The following SGCZ variants were observed in gnomAD, a reference collection of about 807,000 sequenced individuals.
SGCZ encodes the protein sarcoglycan zeta, also known as zeta-sarcoglycan.
Under a neutral mutation model 41.3 loss-of-function variants are expected in SGCZ, and 40 were observed. The ratio of observed to expected loss-of-function variants is 0.97; its 90% CI spans 0.75 to 1.26. SGCZ has a LOEUF of 1.26. Ranked by LOEUF, SGCZ falls within the 50% of genes most tolerant of loss-of-function variation. The probability of loss-of-function intolerance (pLI) is 0.00; values close to 1 mark genes in which losing one functional copy is unlikely to be tolerated. For synonymous variants in SGCZ, 206 were observed against 137.5 expected (o/e 1.50, Z -3.49); for missense variants, 552 against 369.8 (o/e 1.49, Z -4.04).
rs190417857 is a variant in SGCZ, at chr8:15,179,030, G to C, written c.39+58555C>G. 5.9e-5 allele frequency among the ~76,000 whole-genome samples: 9 copies of C among 152,158 alleles called. No individual in the cohort carries two copies. The East Asian group carries it at 1.7e-3, about 29-fold the overall frequency. ...CTCAAGCTGTTACTCTCATGTAGTAGACTAAAAAACTACGTATTATATCCA... is the reference window on the plus strand; with the variant it reads ...CTCAAGCTGTTACTCTCATGTAGTACACTAAAAAACTACGTATTATATCCA... On this transcript the variant is annotated intron_variant, in intron 1 of 7. Transcript: ENST00000382080.
Position 14,629,958 on chromosome 8 carries a change from G to C in SGCZ, c.40-75032C>G, listed in dbSNP as rs897117185. 9.2e-5 allele frequency among the ~76,000 whole-genome samples: 14 copies of C among 152,004 alleles called. 1 individual carries two copies. Reference sequence around the variant, plus strand: ...TTGTGATGACTTGCATTTTGAAACTGTTTCTAAGTCTTGATGCTAGGTAAA... The same window carrying C: ...TTGTGATGACTTGCATTTTGAAACTCTTTCTAAGTCTTGATGCTAGGTAAA... On this transcript the variant is annotated intron_variant, in intron 1 of 7. Transcript: ENST00000382080.
intron 2 of SGCZ, among the ~76,000 whole-genome samples, chr8:14,437,411 A>G (rs372361198): frequency 6.6e-6 from 1 of 152,254 alleles, no homozygotes; most frequent in East Asian, 1.9e-4. Flanking sequence ...ACTTCAAACA[A>G]AACATCATAT....
At chr8:14,543,892 A>G (rs753326895) in intron 2 of SGCZ, among the ~76,000 whole-genome samples, 1 of 152,142 alleles carries the variant, frequency 6.6e-6, no homozygotes, top group Non-Finnish European at 1.5e-5. Flanking sequence ...TGATTACAGA[A>G]TTTGAAAGAC....
intron 1 of SGCZ, among the ~76,000 whole-genome samples, chr8:14,841,428 T>A (rs1381240235): frequency 6.6e-6 from 1 of 152,152 alleles, no homozygotes. Context: ...GTCATGGTAT[T>A]TAAAGAACTA....
chr8:15,208,894 C>CGTAT (rs1554477911), intron 1 of SGCZ, among the ~76,000 whole-genome samples: 1 of 146,144 alleles, frequency 6.8e-6, no homozygotes, highest in Non-Finnish European at 1.5e-5. Context: ...TATCCCTATA[C>CGTAT]ATATATATAG....
intron 1 of SGCZ, among the ~76,000 whole-genome samples, chr8:14,648,611 C>A (rs774852791): frequency 6.6e-6 from 1 of 151,898 alleles, no homozygotes. Flanking sequence ...TTTTGTTTTT[C>A]ATTTTCCATT....
intron 3 of SGCZ, 144 bp downstream of exon 3, chr8:14,323,959 T>C (rs1802010409): frequency 7.1e-6 from 4 of 565,146 alleles, no homozygotes; most frequent in South Asian, 5.0e-5. Context: ...AATGATGTTA[T>C]CATTTTGATT....
intron 2 of SGCZ, among the ~76,000 whole-genome samples, chr8:14,393,018 C>T (rs1804831232): frequency 1.3e-5 from 2 of 151,306 alleles, no homozygotes; most frequent in African/African-American, 4.9e-5. Flanking sequence ...CTGGTAATAC[C>T]CTCAGTAATT....
In SGCZ at chr8:14,782,782, G is replaced by A. The variant is rs146243835; in HGVS notation, c.40-227856C>T. On this transcript the variant is annotated intron_variant, in intron 1 of 7. Transcript: ENST00000382080. ...GAATCCTACCCTATTCTCACTAGTG[G>A]TTATCAATTTAATATGATGCATTTC... Among the ~76,000 whole-genome samples the A allele has an allele frequency of 1.2e-3, 190 of 152,236 alleles. 2 individuals carry two copies. Among genetic ancestry groups the A allele is most frequent in the Admixed American group, 2.0e-3 (30 of 15,284 alleles).
intron 4 of SGCZ, among the ~76,000 whole-genome samples, chr8:14,196,572 A>C (rs193042453): frequency 6.6e-6 from 1 of 152,342 alleles, no homozygotes; most frequent in African/African-American, 2.4e-5. Context: ...ACGTATATAC[A>C]CTAATTTGTA....
intron 5 of SGCZ, among the ~76,000 whole-genome samples, chr8:14,121,814 A>T (rs570682525): frequency 6.6e-6 from 1 of 152,326 alleles, no homozygotes; most frequent in Non-Finnish European, 1.5e-5. Flanking sequence ...TTGAAATCTT[A>T]ATTTTCTGTT....
rs1297786833 is a variant in SGCZ at position 15,238,010 on chromosome 8, G to C, written c.-387C>G. The C allele has an allele frequency of 5.7e-6, 1 of 174,920 alleles. No individual in the cohort carries two copies. Among genetic ancestry groups the C allele is most frequent in the Non-Finnish European group, 1.2e-5 (1 of 81,956 alleles). The allele number at this position is 174,920 out of a possible 1,614,324, so 10.8% of individuals were successfully genotyped here. The stretch of plus-strand genomic sequence containing the variant: ...TCCCGAGAAAAAAAGCTGCTTCCCT[G>C]GTCAGCATCATGCGGCAAATTTCAA... On this transcript the variant is annotated 5_prime_UTR_variant, in exon 1 of 8. Coordinates refer to ENST00000382080, the MANE Select transcript of SGCZ (RefSeq NM_139167.4).
At chr8:15,070,336 A>C (rs1269135843) in intron 1 of SGCZ, among the ~76,000 whole-genome samples, 1 of 152,182 alleles carries the variant, frequency 6.6e-6, no homozygotes, top group African/African-American at 2.4e-5. Flanking sequence ...TACATATAAA[A>C]GCAACTGGAA....
At chr8:15,134,356 C>G (rs1470296736) in intron 1 of SGCZ, among the ~76,000 whole-genome samples, 2 of 150,146 alleles carry the variant, frequency 1.3e-5, no homozygotes, top group Non-Finnish European at 3.0e-5. Flanking sequence ...AACCTTAAAG[C>G]CTAAACTAAA....
intron 1 of SGCZ, among the ~76,000 whole-genome samples, chr8:14,822,089 C>CAA (rs1175564606): frequency 6.6e-6 from 1 of 151,706 alleles, no homozygotes; most frequent in African/African-American, 2.4e-5. Flanking sequence ...CACACACACA[C>CAA]ACACACACAC....
At chr8:14,843,247 A>T (rs1489760695) in intron 1 of SGCZ, among the ~76,000 whole-genome samples, 1 of 152,130 alleles carries the variant, frequency 6.6e-6, no homozygotes, top group Non-Finnish European at 1.5e-5. Context: ...TTCTATGTAC[A>T]TAGATATTTT....
chr8:15,214,867 T>C (rs768390160), intron 1 of SGCZ, among the ~76,000 whole-genome samples: 1 of 152,138 alleles, frequency 6.6e-6, no homozygotes, highest in Non-Finnish European at 1.5e-5. Context: ...GCAAACTCAG[T>C]AAGAAATGAA....
intron 1 of SGCZ, among the ~76,000 whole-genome samples, chr8:15,141,997 G>A (rs754837717): frequency 2.0e-5 from 3 of 152,106 alleles, no homozygotes; most frequent in Admixed American, 6.6e-5. Flanking sequence ...GACAGGCACC[G>A]GCTGCATCAA....
At chr8:14,767,157 G>C (rs1015822203) in intron 1 of SGCZ, among the ~76,000 whole-genome samples, 2 of 152,106 alleles carry the variant, frequency 1.3e-5, no homozygotes, top group African/African-American at 4.8e-5. Context: ...TGCCCAATGT[G>C]ATGATGAGAT....
Sources: allele counts gnomAD v4.1 joint callset (sites outside exome capture counted in the v4.1 genomes callset), GRCh38; gene constraint gnomAD v4.1.1; transcripts MANE v1.5; gene names NCBI Gene and HGNC (gene_info 2026-07-23, HGNC 2026-07-21).